Variants in CAMK2B observed in about 807,000 individuals in gnomAD.
The protein encoded by CAMK2B is calcium/calmodulin dependent protein kinase II beta.
In CAMK2B, 27 loss-of-function variants were observed where a neutral mutation model predicts 93.7. The observed-to-expected ratio is 0.29, with a 90% CI of 0.21 to 0.40. The LOEUF is 0.40. Among genes scored for constraint, CAMK2B ranks in the 10% least tolerant of loss-of-function variants. The pLI, the probability that CAMK2B is intolerant of heterozygous loss-of-function variation, is 1.00. For missense variants in CAMK2B, 568 were observed against 895.8 expected (o/e 0.63, Z 4.67); for synonymous variants, 374 against 358.8 (o/e 1.04, Z -0.48).
At chr7:44,277,189 G>A (rs1373816629) in intron 2 of CAMK2B, among the ~76,000 whole-genome samples, 1 of 152,116 alleles carries the variant, frequency 6.6e-6, no homozygotes, top group East Asian at 1.9e-4. Flanking sequence ...TTGGGGTAGG[G>A]GGTAGATAAC....
At chr7:44,263,449 T>C (rs1194461848) in intron 2 of CAMK2B, among the ~76,000 whole-genome samples, 1 of 152,016 alleles carries the variant, frequency 6.6e-6, no homozygotes, top group East Asian at 1.9e-4. Flanking sequence ...GGAGGGGCTG[T>C]CAGAATGGGG....
intron 3 of CAMK2B, 60 bp downstream of exon 3, chr7:44,262,945 T>C: frequency 4.2e-6 from 6 of 1,414,684 alleles, no homozygotes; most frequent in Non-Finnish European, 5.9e-6. Context: ...GAAACCGGAA[T>C]GGGCTGCTGT....
intron 1 of CAMK2B, among the ~76,000 whole-genome samples, chr7:44,319,073 A>C (rs1795453198): frequency 6.6e-6 from 1 of 152,266 alleles, no homozygotes; most frequent in African/African-American, 2.4e-5. Context: ...TTTAAAAACC[A>C]AGTTGATACA....
Position 44,225,894 on chromosome 7 carries a change from G to C in CAMK2B, c.1597+622C>G, listed in dbSNP as rs1476195999. 4 of 1,288,596 alleles carry C rather than the reference G, an allele frequency of 3.1e-6. No homozygotes were observed. Among genetic ancestry groups the C allele is most frequent in the Non-Finnish European group, 4.0e-6 (4 of 988,146 alleles). The allele number at this position is 1,288,596 out of a possible 1,614,324, so 79.8% of individuals were successfully genotyped here. On this transcript the variant is annotated intron_variant, in intron 20 of 23. Coordinates refer to ENST00000395749, the MANE Select transcript of CAMK2B (RefSeq NM_001220.5). This position sits in a 1 kb window ranked among gnomAD's most constrained non-coding sequence, Gnocchi z 5.0. Reference sequence around the variant, plus strand: ...CAGCCCTGGGATGTCATCCATCCCTGTAAGTGATACTGCGGGTAGTCGGCA... The same window carrying C: ...CAGCCCTGGGATGTCATCCATCCCTCTAAGTGATACTGCGGGTAGTCGGCA...
intron 1 of CAMK2B, among the ~76,000 whole-genome samples, chr7:44,288,652 ACTCTTTG>A (rs1458092507): frequency 2.6e-5 from 4 of 151,734 alleles, no homozygotes; most frequent in Non-Finnish European, 5.9e-5. Flanking sequence ...ACAAGAAAAT[ACTCTTTG>A]AGTCCTTGCT....
rs59312365 is a variant in CAMK2B, at chr7:44,219,344, G to GTTTTTTTTTTTTTT, written c.*167_*180dup. ...TTTTTGTGGTTGTCGTCGTCATCTTGTTTTTTTTTTTTTTTTTTTTGTTTT... is the reference window on the plus strand; with the variant it reads ...TTTTTGTGGTTGTCGTCGTCATCTTGTTTTTTTTTTTTTTTTTTTTTTTTTTTTTTTTTTGTTTT... On this transcript the variant is annotated 3_prime_UTR_variant, in exon 24 of 24. Coordinates refer to ENST00000395749, the MANE Select transcript of CAMK2B (RefSeq NM_001220.5). 1 of 35,182 alleles carries GTTTTTTTTTTTTTT rather than the reference G, an allele frequency of 2.8e-5. No homozygotes were observed. The highest frequency in any genetic ancestry group is 1.0e-4 in the African/African-American group (1 of 9,578). The allele number at this position is 35,182 out of a possible 1,614,324, so 2.2% of individuals were successfully genotyped here. A position where few individuals can be genotyped will look rare whatever the true frequency, so the allele number is the denominator to read the frequency against.
At chr7:44,254,635 G>A (rs370302560) in intron 4 of CAMK2B, 28 bp from the exon 5 acceptor site, 44 of 1,534,320 alleles carry the variant, frequency 2.9e-5, no homozygotes, top group Non-Finnish European at 3.9e-5. Flanking sequence ...AGGGGTCACA[G>A]ATTCTGGAGA....
At chr7:44,258,051 GCACT>G (rs2096848903) in intron 4 of CAMK2B, among the ~76,000 whole-genome samples, 1 of 152,256 alleles carries the variant, frequency 6.6e-6, no homozygotes, top group Non-Finnish European at 1.5e-5. Context: ...TCCTGGAACA[GCACT>G]GACTCACAGA....
At chr7:44,275,785 A>G (rs2097030006) in intron 2 of CAMK2B, among the ~76,000 whole-genome samples, 1 of 151,856 alleles carries the variant, frequency 6.6e-6, no homozygotes, top group African/African-American at 2.4e-5. Context: ...CGGTGCCCCC[A>G]CTGAGCCCCC....
At position 44,289,471 on chromosome 7, in the gene CAMK2B, G is replaced by A. The variant is rs144925438; in HGVS notation, c.66-5246C>T. 2.3e-3 allele frequency among the ~76,000 whole-genome samples: 346 copies of A among 152,328 alleles called. 1 individual carries two copies. The highest frequency in any genetic ancestry group is 7.6e-3 in the African/African-American group (316 of 41,568). On this transcript the variant is annotated intron_variant, in intron 1 of 23. Transcript: ENST00000395749. ...AGACTGGGGGTTACCAAGATTACCG[G>A]CTCTTGGGGTGCCAGTTAAGACACT... is the stretch of plus-strand genomic sequence containing the variant.
intron 1 of CAMK2B, among the ~76,000 whole-genome samples, chr7:44,292,706 C>A (rs1418622074): frequency 1.3e-5 from 2 of 152,268 alleles, no homozygotes; most frequent in Admixed American, 6.5e-5. Flanking sequence ...CCATAGAAAT[C>A]TTTATTCAAA....
chr7:44,254,254 C>T (rs1306640174), intron 5 of CAMK2B, among the ~76,000 whole-genome samples: 3 of 152,254 alleles, frequency 2.0e-5, no homozygotes, highest in Admixed American at 6.5e-5. Context: ...CGGGAAGCCC[C>T]ACCTGGATAG....
Position 44,229,467 on chromosome 7 carries a change from C to T in CAMK2B, c.1260G>A (p.Arg420=), listed in dbSNP as rs550135870. The T allele has an allele frequency of 2.2e-4, 328 of 1,466,828 alleles. 1 individual carries two copies. In the Admixed American group the frequency reaches 2.6e-3, roughly 12 times the overall value. 90.9% of individuals were successfully genotyped at this position (1,466,828 alleles called of 1,614,324 possible). A position where few individuals can be genotyped will look rare whatever the true frequency, so the allele number is the denominator to read the frequency against. Residue 420 remains arginine, a synonymous_variant, in exon 18 of 24, where the codon AGG becomes AGA. Transcript: ENST00000395749. ...CGGCTTCTGGGGCTCCCGAGCCCCT[C>T]CTCACTGAGCTCAGGATGTCGGGGA... is the stretch of plus-strand genomic sequence containing the variant. The part of the protein sequence containing the change: ...PRVPDILSSV[R]RGSGAPEAEG...
At chr7:44,318,767 G>A (rs1398322819) in intron 1 of CAMK2B, among the ~76,000 whole-genome samples, 2 of 152,200 alleles carry the variant, frequency 1.3e-5, no homozygotes, top group Non-Finnish European at 2.9e-5. Context: ...TTAAATCTTT[G>A]CCTGGTTGTT....
chr7:44,244,727 A>G (rs867052499), intron 6 of CAMK2B, among the ~76,000 whole-genome samples: 3 of 151,550 alleles, frequency 2.0e-5, no homozygotes, highest in Non-Finnish European at 2.9e-5. Flanking sequence ...TGCTATCCCC[A>G]TGTGGAAAGA....
chr7:44,260,835 T>A (rs1197712793), intron 3 of CAMK2B, among the ~76,000 whole-genome samples: 1 of 151,966 alleles, frequency 6.6e-6, no homozygotes. Flanking sequence ...AGCCTTCTCC[T>A]CTCTGCCCCC....
intron 4 of CAMK2B, among the ~76,000 whole-genome samples, chr7:44,258,061 A>G (rs1336760481): frequency 6.6e-6 from 1 of 152,250 alleles, no homozygotes; most frequent in Non-Finnish European, 1.5e-5. Flanking sequence ...GCACTGACTC[A>G]CAGACAGCTA....
chr7:44,311,042 C>T lies in CAMK2B; in HGVS notation c.65+14315G>A, dbSNP rs1793398941. Among the ~76,000 whole-genome samples, 1 of 152,156 alleles carries T rather than the reference C, an allele frequency of 6.6e-6. No individual in the cohort carries two copies. The highest frequency in any genetic ancestry group is 1.9e-4 in the East Asian group (1 of 5,202). ...AAATAATGACAGAAACTGGTACTTGCAATGCTGTCTTTAAAATCTGGTTTT... is the reference window on the plus strand; with the variant it reads ...AAATAATGACAGAAACTGGTACTTGTAATGCTGTCTTTAAAATCTGGTTTT... On this transcript the variant is annotated intron_variant, in intron 1 of 23. Transcript: ENST00000395749. The surrounding 1 kb of genome is among the most constrained non-coding windows in gnomAD (Gnocchi z 4.2).
chr7:44,229,077 C>G (rs754302669), intron 18 of CAMK2B, 153 bp from the exon 19 acceptor site: 1 of 757,618 alleles, frequency 1.3e-6, no homozygotes, highest in Admixed American at 2.1e-5. Context: ...TAGCAGGGAG[C>G]CCCCCCGCCC....
Sources: gnomAD v4.1 joint callset for allele counts (sites outside exome capture counted in the v4.1 genomes callset) on GRCh38, gnomAD v4.1.1 for gene constraint, Gnocchi (gnomAD v3.1) non-coding constraint, MANE v1.5 for transcripts, NCBI Gene and HGNC (gene_info 2026-07-23, HGNC 2026-07-21) for gene names.